FBXW7: variants seen among roughly 807,000 people sequenced by gnomAD.
The protein encoded by FBXW7 is F-box/WD repeat-containing protein 7.
A neutral mutation model predicts 86.3 loss-of-function variants in FBXW7; 11 were observed. The ratio of observed to expected loss-of-function variants is 0.13; its 90% CI spans 0.08 to 0.21. The LOEUF is 0.21. FBXW7 is among the 10% of genes least tolerant of loss of function. The pLI, the probability that FBXW7 is intolerant of heterozygous loss-of-function variation, is 1.00. For synonymous variants in FBXW7, 313 were observed against 297.9 expected (o/e 1.05, Z -0.52); for missense variants, 488 against 847.4 (o/e 0.58, Z 5.27).
intron 12 of FBXW7, chr4:152,325,747 CTT>C: frequency 2.5e-6 from 1 of 403,684 alleles, no homozygotes; most frequent in Non-Finnish European, 4.5e-6. Context: ...CATAGCAAAA[CTT>C]AGAGCCCCAA....
At chr4:152,440,253 T>C (rs969133159) in intron 2 of FBXW7, among the ~76,000 whole-genome samples, 5 of 152,194 alleles carry the variant, frequency 3.3e-5, no homozygotes, top group African/African-American at 1.2e-4. Context: ...TGACAACCAT[T>C]AGAATGACAA....
chr4:152,444,665 T>C (rs764349075), intron 2 of FBXW7, among the ~76,000 whole-genome samples: 3 of 152,146 alleles, frequency 2.0e-5, no homozygotes, highest in Non-Finnish European at 4.4e-5. Context: ...AGGAAAACAT[T>C]CTCAATATCA....
At chr4:152,371,582 T>C (rs943679003) in intron 4 of FBXW7, among the ~76,000 whole-genome samples, 6 of 151,996 alleles carry the variant, frequency 3.9e-5, no homozygotes, top group African/African-American at 1.4e-4. Flanking sequence ...TGTATACATA[T>C]GAAAAAACTA....
chr4:152,447,757 G>A (rs931443083), intron 2 of FBXW7, among the ~76,000 whole-genome samples: 4 of 152,044 alleles, frequency 2.6e-5, no homozygotes, highest in Non-Finnish European at 4.4e-5. Flanking sequence ...GACCAAAAAA[G>A]GATGCAAAAC....
chr4:152,324,426 T>C (rs1316322901), intron 12 of FBXW7, 32 bp from the exon 13 acceptor site: 2 of 1,497,450 alleles, frequency 1.3e-6, no homozygotes, highest in Middle Eastern at 1.8e-4. Flanking sequence ...AGAATAGAAG[T>C]ATGGATACTC....
intron 2 of FBXW7, among the ~76,000 whole-genome samples, chr4:152,475,744 A>AG (rs1378688654): frequency 6.6e-6 from 1 of 152,222 alleles, no homozygotes; most frequent in Admixed American, 6.5e-5. Context: ...TTTTTAAAGC[A>AG]GTAGCACTCA....
intron 2 of FBXW7, among the ~76,000 whole-genome samples, chr4:152,425,859 C>T (rs1739335594): frequency 6.6e-6 from 1 of 152,134 alleles, no homozygotes; most frequent in African/African-American, 2.4e-5. Flanking sequence ...AAGCGGGGAG[C>T]TCTACAAGGT....
At chr4:152,374,545 A>G (rs987653027) in intron 4 of FBXW7, among the ~76,000 whole-genome samples, 1 of 152,122 alleles carries the variant, frequency 6.6e-6, no homozygotes, top group African/African-American at 2.4e-5. Context: ...TTCCAAGTTT[A>G]ACAGACACTT....
rs1269767052 is a variant in FBXW7 at position 152,337,939 on chromosome 4, A to G, written c.727-3T>C. The G allele has an allele frequency of 1.3e-6, 2 of 1,590,242 alleles. No individual in the cohort carries two copies. Among genetic ancestry groups the G allele is most frequent in the Admixed American group, 1.9e-5 (1 of 52,556 alleles). Reference sequence around the variant, plus strand: ...AATTTCTCTGGTCCACTCCAGCTCTATCAAAGAGAATTAGAAATTTTTATT... The same window carrying G: ...AATTTCTCTGGTCCACTCCAGCTCTGTCAAAGAGAATTAGAAATTTTTATT... On this transcript the variant is annotated splice_region_variant and splice_polypyrimidine_tract_variant and intron_variant, in intron 6 of 13. Transcript: ENST00000281708.
intron 2 of FBXW7, among the ~76,000 whole-genome samples, chr4:152,455,300 GT>G (rs1553986476): frequency 6.6e-6 from 1 of 152,174 alleles, no homozygotes; most frequent in Non-Finnish European, 1.5e-5. Flanking sequence ...CGGAATTCAG[GT>G]AAACTTTCTG....
intron 4 of FBXW7, chr4:152,353,074 A>G: frequency 1.0e-6 from 1 of 953,834 alleles, no homozygotes; most frequent in Non-Finnish European, 1.3e-6. Flanking sequence ...TAAAACCTGC[A>G]TTTTTGAAGA....
intron 2 of FBXW7, among the ~76,000 whole-genome samples, chr4:152,463,121 A>G (rs915938805): frequency 6.6e-6 from 1 of 151,394 alleles, no homozygotes; most frequent in African/African-American, 2.4e-5. Flanking sequence ...AACTCCATCT[A>G]TACTAAAAAT....
At chr4:152,351,013 G>C (rs1183368066) in intron 4 of FBXW7, among the ~76,000 whole-genome samples, 1 of 151,838 alleles carries the variant, frequency 6.6e-6, no homozygotes, top group African/African-American at 2.4e-5. Flanking sequence ...ATAAAATCTG[G>C]TAAGATTTGA....
chr4:152,355,925 T>C (rs1266043494), intron 4 of FBXW7, among the ~76,000 whole-genome samples: 3 of 152,172 alleles, frequency 2.0e-5, no homozygotes, highest in Non-Finnish European at 4.4e-5. Flanking sequence ...CTTAAGTTTT[T>C]AGAAGGGCAA....
chr4:152,471,387 A>AGGAAGGAGGGAAGGAG (rs1275296851), intron 2 of FBXW7, among the ~76,000 whole-genome samples: 2 of 144,176 alleles, frequency 1.4e-5, no homozygotes, highest in African/African-American at 5.1e-5. Context: ...GAAGGAGAGA[A>AGGAAGGAGGGAAGGAG]GGAAGGAGGG....
intron 2 of FBXW7, among the ~76,000 whole-genome samples, chr4:152,442,721 G>C (rs1054293534): frequency 2.0e-5 from 3 of 152,134 alleles, no homozygotes; most frequent in African/African-American, 4.8e-5. Context: ...GTCTGAATTA[G>C]GAAGGCTTAT....
intron 4 of FBXW7, among the ~76,000 whole-genome samples, chr4:152,351,652 TAC>T (rs1028966871): frequency 6.6e-6 from 1 of 152,266 alleles, no homozygotes; most frequent in Non-Finnish European, 1.5e-5. Context: ...GGTCAGTCAG[TAC>T]AGACTATGTT....
intron 2 of FBXW7, among the ~76,000 whole-genome samples, chr4:152,503,809 AT>A (rs1747168550): frequency 6.6e-6 from 1 of 152,202 alleles, no homozygotes. Context: ...CTATTCCTTT[AT>A]TCCACTGTAT....
chr4:152,510,259 T>C (rs1747834133), intron 2 of FBXW7, among the ~76,000 whole-genome samples: 1 of 152,218 alleles, frequency 6.6e-6, no homozygotes. Flanking sequence ...TAAAAAGGAT[T>C]CTTCTTTCAA....
Sources: allele counts gnomAD v4.1 joint callset (sites outside exome capture counted in the v4.1 genomes callset), GRCh38; gene constraint gnomAD v4.1.1; transcripts MANE v1.5; gene names NCBI Gene and HGNC (gene_info 2026-07-23, HGNC 2026-07-21).